PREX1: variants seen among roughly 807,000 people sequenced by gnomAD.
PREX1 encodes phosphatidylinositol 3,4,5-trisphosphate-dependent Rac exchanger 1 protein.
A neutral mutation model predicts 198.3 loss-of-function variants in PREX1; 41 were observed. The observed-to-expected ratio is 0.21, with a 90% CI of 0.16 to 0.27. The LOEUF is 0.27. Among genes scored for constraint, PREX1 ranks in the 10% least tolerant of loss-of-function variants. The pLI, the probability that PREX1 is intolerant of heterozygous loss-of-function variation, is 1.00. For synonymous variants in PREX1, 843 were observed against 887.2 expected (o/e 0.95, Z 0.89); for missense variants, 1,620 against 2,200.7 (o/e 0.74, Z 5.28).
chr20:48,639,854 G>A lies in PREX1; in HGVS notation c.3816C>T (p.Ser1272=), dbSNP rs200774333. 37 of 1,613,954 alleles carry A rather than the reference G, an allele frequency of 2.3e-5. No individual in the cohort carries two copies. Among genetic ancestry groups the A allele is most frequent in the Admixed American group, 8.3e-5 (5 of 60,004 alleles). ...QKEECTIRGR[S]LIQISIQEDP... Reference sequence around the variant, plus strand: ...CCTCCTGGATGCTAATCTGGATCAGGCTCCGGCCACGGATTGTACACTCTT... The same window carrying A: ...CCTCCTGGATGCTAATCTGGATCAGACTCCGGCCACGGATTGTACACTCTT... The change falls in exon 30 of 40, where the codon AGC becomes AGT. Residue 1272 remains serine, a synonymous_variant. Coordinates refer to ENST00000371941, the MANE Select transcript of PREX1 (RefSeq NM_020820.4).
chr20:48,854,926 C>A, the PREX1 span, among the ~76,000 whole-genome samples: 6 of 152,244 alleles, frequency 3.9e-5, no homozygotes, highest in East Asian at 1.2e-3. Flanking sequence ...TGACCCTGGG[C>A]AAATTGATTA....
intron 1 of PREX1, among the ~76,000 whole-genome samples, chr20:48,788,063 G>T (rs989949328): frequency 1.3e-5 from 2 of 152,164 alleles, no homozygotes; most frequent in Admixed American, 6.5e-5. Flanking sequence ...GCCCTAGAGC[G>T]GGGGACCATG....
chr20:48,679,327 A>C (rs773771316), intron 13 of PREX1, 33 bp downstream of exon 13: 2 of 1,586,424 alleles, frequency 1.3e-6, no homozygotes, highest in Non-Finnish European at 1.7e-6. Flanking sequence ...GAAGAGGTAG[A>C]GGTGAAATTG....
At position 48,644,488 on chromosome 20, in the gene PREX1, G is replaced by A. The variant is rs1297701649; in HGVS notation, c.3522C>T (p.Asn1174=). 2 of 1,613,476 alleles carry A rather than the reference G, an allele frequency of 1.2e-6. No individual in the cohort carries two copies. The highest frequency in any genetic ancestry group is 1.7e-6 in the Non-Finnish European group (2 of 1,179,632). The change falls in exon 27 of 40, where the codon AAC becomes AAT. Residue 1174 remains asparagine (N), a synonymous_variant. Coordinates refer to ENST00000371941, the MANE Select transcript of PREX1 (RefSeq NM_020820.4). ...MSYRDSYSEC[N]SNRDSVLSYT... is the part of the protein sequence containing the mutation. ...AGGACAGGACCGAGTCTCGATTGCTGTTACACTCGCTGCAAAGGGGCCCAG... is the reference window on the plus strand; with the variant it reads ...AGGACAGGACCGAGTCTCGATTGCTATTACACTCGCTGCAAAGGGGCCCAG...
rs1330044262 is a variant in PREX1 at position 48,659,270 on chromosome 20, G to C, written c.1881+649C>G. On this transcript the variant is annotated intron_variant, in intron 16 of 39. Coordinates refer to ENST00000371941, the MANE Select transcript of PREX1 (RefSeq NM_020820.4). Reference sequence around the variant, plus strand: ...GAAGGAAGGAAGGAAGGACGGGCACGAGAGAGAGAGAGAAAGAAGAAAAGA... The same window carrying C: ...GAAGGAAGGAAGGAAGGACGGGCACCAGAGAGAGAGAGAAAGAAGAAAAGA... 3.7e-5 allele frequency among the ~76,000 whole-genome samples: 4 copies of C among 108,430 alleles called. No homozygotes were observed. In the South Asian group the frequency reaches 1.5e-3, roughly 40 times the overall value. The allele number at this position is 108,430 out of a possible 152,430, so 71.1% of individuals were successfully genotyped here. A position where few individuals can be genotyped will look rare whatever the true frequency, so the allele number is the denominator to read the frequency against.
chr20:48,872,466 G>C, the PREX1 span, among the ~76,000 whole-genome samples: 3 of 152,156 alleles, frequency 2.0e-5, no homozygotes, highest in Admixed American at 1.3e-4. Context: ...ATAAGTGGCC[G>C]GGATCGGCAG....
chr20:48,816,641 T>G (rs1379695033), intron 1 of PREX1, among the ~76,000 whole-genome samples: 4 of 151,878 alleles, frequency 2.6e-5, no homozygotes, highest in Non-Finnish European at 4.4e-5. Flanking sequence ...CCCCTAAGAC[T>G]CAAGGCACCT....
chr20:48,797,799 C>T (rs1197829832), intron 1 of PREX1, among the ~76,000 whole-genome samples: 1 of 152,194 alleles, frequency 6.6e-6, no homozygotes, highest in Non-Finnish European at 1.5e-5. Flanking sequence ...CTTTGCACCC[C>T]GCTGTAACCC....
Position 48,692,815 on chromosome 20 carries a change from T to A in PREX1, c.918-25A>T, listed in dbSNP as rs372644371. 3.1e-4 allele frequency: 484 copies of A among 1,585,628 alleles called. 4 individuals carry two copies. The South Asian group carries it at 3.4e-3, about 11-fold the overall frequency. On this transcript the variant is annotated intron_variant, in intron 7 of 39. Coordinates refer to ENST00000371941, the MANE Select transcript of PREX1 (RefSeq NM_020820.4). The stretch of plus-strand genomic sequence containing the variant: ...CCTGATAGACAGTGAGAAGTCAGTG[T>A]CCCCTACACGTCACCTCCCAGATGC...
At chr20:48,670,664 C>T (rs1201437705) in intron 14 of PREX1, among the ~76,000 whole-genome samples, 3 of 152,220 alleles carry the variant, frequency 2.0e-5, no homozygotes, top group Non-Finnish European at 4.4e-5. Flanking sequence ...CTCTGAGTAT[C>T]CTTTCCTCAT....
At chr20:48,783,342 A>C (rs775143345) in intron 1 of PREX1, among the ~76,000 whole-genome samples, 2 of 152,142 alleles carry the variant, frequency 1.3e-5, no homozygotes, top group Non-Finnish European at 2.9e-5. Flanking sequence ...TGGCCTGAGC[A>C]AGTGGAAGAA....
intron 1 of PREX1, among the ~76,000 whole-genome samples, chr20:48,811,223 C>T (rs2090432612): frequency 2.0e-5 from 3 of 151,938 alleles, no homozygotes; most frequent in Non-Finnish European, 4.4e-5. Context: ...CTATGTTTGC[C>T]AGGCTGGTCA....
At chr20:48,625,965 G>A (rs2089269019) in intron 39 of PREX1, 38 bp from the exon 40 acceptor site, 1 of 1,512,410 alleles carries the variant, frequency 6.6e-7, no homozygotes, top group African/African-American at 1.4e-5. Flanking sequence ...AGAGGCCGGG[G>A]CGGGCCAGGA....
At chr20:48,781,846 A>G (rs886428477) in intron 1 of PREX1, among the ~76,000 whole-genome samples, 3 of 152,218 alleles carry the variant, frequency 2.0e-5, no homozygotes, top group African/African-American at 7.2e-5. Flanking sequence ...GTCACCTCCT[A>G]TTAGGCCCTA....
chr20:48,858,490 C>T, the PREX1 span, among the ~76,000 whole-genome samples: 8 of 152,218 alleles, frequency 5.3e-5, no homozygotes, highest in African/African-American at 1.7e-4. Flanking sequence ...AAGGAGAGAA[C>T]AGAGAGACCT....
intron 15 of PREX1, among the ~76,000 whole-genome samples, chr20:48,660,868 C>T (rs766796161): frequency 1.5e-4 from 23 of 152,166 alleles, no homozygotes; most frequent in Non-Finnish European, 2.6e-4. Context: ...TGTGAAAAGG[C>T]GCTCAGACCT....
At chr20:48,714,672 C>G (rs6125442) in intron 5 of PREX1, among the ~76,000 whole-genome samples, 85,617 of 152,142 alleles carry the variant, frequency 0.56, 25,528 homozygotes, top group African/African-American at 0.76. Flanking sequence ...ATATAAAATG[C>G]TGCAGCAGCT....
chr20:48,634,317 C>A (rs1157739066), intron 33 of PREX1, among the ~76,000 whole-genome samples: 1 of 152,020 alleles, frequency 6.6e-6, no homozygotes, highest in Non-Finnish European at 1.5e-5. Context: ...AGGACACGAG[C>A]AAGGGAGGAA....
chr20:48,690,048 A>C (rs2089809656), intron 9 of PREX1, among the ~76,000 whole-genome samples: 4 of 152,150 alleles, frequency 2.6e-5, no homozygotes, highest in Admixed American at 2.0e-4. Flanking sequence ...TGTGGGGCGA[A>C]GGGAGGAGCC....
Sources: allele counts gnomAD v4.1 joint callset (sites outside exome capture counted in the v4.1 genomes callset), GRCh38; gene constraint gnomAD v4.1.1; transcripts MANE v1.5; gene names NCBI Gene and HGNC (gene_info 2026-07-23, HGNC 2026-07-21).